Variants in NTNG1 observed in about 807,000 individuals in gnomAD.
NTNG1 encodes netrin G1.
Under a neutral mutation model 54.0 loss-of-function variants are expected in NTNG1, and 16 were observed. The ratio of observed to expected loss-of-function variants is 0.30; its 90% CI spans 0.20 to 0.45. NTNG1 has a LOEUF of 0.45. Ranked by LOEUF, NTNG1 falls within the 20% of genes least tolerant of loss-of-function variation. NTNG1 has a pLI of 1.00. For synonymous variants in NTNG1, 255 were observed against 263.1 expected, an observed-to-expected ratio of 0.97 and a Z score of 0.30; for missense variants, 530 against 678.7, an observed-to-expected ratio of 0.78 and a Z score of 2.43.
chr1:107,225,188 A>T (rs1429057573), intron 2 of NTNG1, among the ~76,000 whole-genome samples: 2 of 152,144 alleles, frequency 1.3e-5, no homozygotes, highest in Non-Finnish European at 2.9e-5. Flanking sequence ...ATGAAATTAG[A>T]AGAATTAGCA....
In NTNG1 at chr1:107,460,438, C is replaced by A. The variant is rs539057171; in HGVS notation, c.1391-20173C>A. On this transcript the variant is annotated intron_variant, in intron 7 of 7. Transcript: ENST00000370068. The stretch of plus-strand genomic sequence containing the variant: ...ATTTTACACTTTGGGAAAACTTTGG[C>A]AATTAAATCTCACAAAGAAATCCAA... 83 of 518,542 alleles carry A rather than the reference C, an allele frequency of 1.6e-4. 1 individual carries two copies. The highest frequency in any genetic ancestry group is 1.1e-3 in the South Asian group (81 of 71,466). 32.1% of individuals were successfully genotyped at this position (518,542 alleles called of 1,614,324 possible). A position where few individuals can be genotyped will look rare whatever the true frequency, so the allele number is the denominator to read the frequency against.
intron 3 of NTNG1, among the ~76,000 whole-genome samples, chr1:107,363,715 C>A (rs186481617): frequency 6.6e-6 from 1 of 152,150 alleles, no homozygotes; most frequent in African/African-American, 2.4e-5. Flanking sequence ...GGCTCATCTC[C>A]ACCAACAGGC....
intron 2 of NTNG1, among the ~76,000 whole-genome samples, chr1:107,277,849 G>A (rs1457368619): frequency 1.3e-5 from 2 of 152,124 alleles, no homozygotes; most frequent in Admixed American, 1.3e-4. Context: ...AATTCCAAAA[G>A]GCTTTAAAAA....
intron 2 of NTNG1, among the ~76,000 whole-genome samples, chr1:107,310,792 C>A (rs549268310): frequency 6.6e-6 from 1 of 152,052 alleles, no homozygotes; most frequent in African/African-American, 2.4e-5. Context: ...CCCTGAAATA[C>A]ACTACCCATG....
intron 7 of NTNG1, among the ~76,000 whole-genome samples, chr1:107,465,638 G>A (rs1404989250): frequency 6.6e-6 from 1 of 152,176 alleles, no homozygotes; most frequent in East Asian, 1.9e-4. Context: ...TTAAAGAATG[G>A]GTGGAGAGTT....
chr1:107,418,273 A>C (rs536687459), intron 5 of NTNG1, among the ~76,000 whole-genome samples: 1 of 152,168 alleles, frequency 6.6e-6, no homozygotes, highest in East Asian at 1.9e-4. Context: ...AGCTTTACAT[A>C]ATGGTTTGGA....
intron 2 of NTNG1, among the ~76,000 whole-genome samples, chr1:107,192,801 G>T (rs1658060118): frequency 6.6e-6 from 1 of 151,940 alleles, no homozygotes; most frequent in Non-Finnish European, 1.5e-5. Flanking sequence ...CATGGGATTT[G>T]ATTCTAATGT....
In NTNG1 at chr1:107,395,325, C is replaced by G. The variant is rs1463452126; in HGVS notation, c.1059C>G (p.Thr353=). 1 of 1,612,620 alleles carries G rather than the reference C, an allele frequency of 6.2e-7. No homozygotes were observed. Among genetic ancestry groups the G allele is most frequent in the East Asian group, 2.2e-5 (1 of 44,872 alleles). Residue 353 remains threonine (T), a splice_region_variant and synonymous_variant, in exon 4 of 8, where the codon ACC becomes ACG. Coordinates refer to ENST00000370068, the MANE Select transcript of NTNG1 (RefSeq NM_001113226.3). ...YLPIPKGTAN[T]CIPSISSIGN... ...CCATCCCCAAAGGCACTGCAAATAC[C>G]TGTGAGTAACTTTGCTTGGTAACAG... is the stretch of plus-strand genomic sequence containing the variant.
chr1:107,233,001 A>G (rs939195100), intron 2 of NTNG1, among the ~76,000 whole-genome samples: 2 of 152,202 alleles, frequency 1.3e-5, no homozygotes, highest in African/African-American at 4.8e-5. Flanking sequence ...TGTAATTTTT[A>G]TTAGCTTTTT....
intron 2 of NTNG1, among the ~76,000 whole-genome samples, chr1:107,162,684 C>G (rs1255881465): frequency 6.6e-6 from 1 of 152,140 alleles, no homozygotes; most frequent in Non-Finnish European, 1.5e-5. Flanking sequence ...TGGCACCTTA[C>G]ATCTGGCCAC....
intron 7 of NTNG1, among the ~76,000 whole-genome samples, chr1:107,461,537 T>A (rs1041047048): frequency 6.6e-6 from 1 of 151,664 alleles, no homozygotes; most frequent in African/African-American, 2.4e-5. Context: ...TTTTCTTTTT[T>A]TTTTCTTTTT....
At chr1:107,221,043 A>G (rs911326199) in intron 2 of NTNG1, among the ~76,000 whole-genome samples, 2 of 152,214 alleles carry the variant, frequency 1.3e-5, no homozygotes, top group African/African-American at 2.4e-5. Flanking sequence ...TGTATGTAAA[A>G]TAAAGGTAAT....
At chr1:107,306,510 G>T (rs2101821587) in intron 2 of NTNG1, among the ~76,000 whole-genome samples, 1 of 152,288 alleles carries the variant, frequency 6.6e-6, no homozygotes, top group Admixed American at 6.5e-5. Context: ...CAGCACTTTG[G>T]GAGGCCAAGG....
intron 3 of NTNG1, among the ~76,000 whole-genome samples, chr1:107,361,477 C>T (rs1257069703): frequency 1.3e-5 from 2 of 148,284 alleles, no homozygotes; most frequent in African/African-American, 5.0e-5. Flanking sequence ...GCAACCTCTG[C>T]CTCCTGGGTC....
At chr1:107,221,549 G>T (rs1370341653) in intron 2 of NTNG1, among the ~76,000 whole-genome samples, 1 of 152,134 alleles carries the variant, frequency 6.6e-6, no homozygotes, top group African/African-American at 2.4e-5. Flanking sequence ...GTCAGGAAAG[G>T]CTTTCTAGGT....
At chr1:107,384,091 G>A (rs905702138) in intron 3 of NTNG1, among the ~76,000 whole-genome samples, 1 of 152,132 alleles carries the variant, frequency 6.6e-6, no homozygotes, top group Non-Finnish European at 1.5e-5. Flanking sequence ...CATGAGTTTA[G>A]CAAATGGTCA....
intron 2 of NTNG1, among the ~76,000 whole-genome samples, chr1:107,232,273 A>G (rs1661120568): frequency 6.6e-6 from 1 of 152,256 alleles, no homozygotes; most frequent in African/African-American, 2.4e-5. Flanking sequence ...GAGTTTTTAT[A>G]GGTGAAATAT....
At chr1:107,199,273 T>C (rs1039313282) in intron 2 of NTNG1, among the ~76,000 whole-genome samples, 1 of 7,348 alleles carries the variant, frequency 1.4e-4, no homozygotes, top group Non-Finnish European at 3.2e-4. Context: ...CCAATTTTAT[T>C]ACTTCTTTTT....
intron 7 of NTNG1, among the ~76,000 whole-genome samples, chr1:107,469,635 T>A (rs905541119): frequency 1.3e-5 from 2 of 152,098 alleles, no homozygotes; most frequent in African/African-American, 4.8e-5. Flanking sequence ...TTTTTGGTAT[T>A]TTTAATAGAG....
Sources: allele counts gnomAD v4.1 joint callset (sites outside exome capture counted in the v4.1 genomes callset), GRCh38; gene constraint gnomAD v4.1.1; transcripts MANE v1.5; gene names NCBI Gene and HGNC (gene_info 2026-07-23, HGNC 2026-07-21).